DNAH14: variants seen among roughly 807,000 people sequenced by gnomAD.
The protein encoded by DNAH14 is dynein axonemal heavy chain 14.
A neutral mutation model predicts 520.9 loss-of-function variants in DNAH14; 478 were observed. The ratio of observed to expected loss-of-function variants is 0.92; its 90% CI spans 0.85 to 0.99. The LOEUF (loss-of-function observed/expected upper bound fraction) is 0.99, where lower values mean the gene tolerates loss of function less well. Among genes scored for constraint, DNAH14 ranks in the 50% least tolerant of loss-of-function variants. DNAH14 has a pLI of 0.00. For synonymous variants in DNAH14, 1,581 were observed against 1,757.2 expected, an observed-to-expected ratio of 0.90 and a Z score of 2.51; for missense variants, 4,831 against 5,234.5, an observed-to-expected ratio of 0.92 and a Z score of 2.38.
chr1:224,987,871 C>A (rs776021334), intron 8 of DNAH14, among the ~76,000 whole-genome samples: 1 of 152,126 alleles, frequency 6.6e-6, no homozygotes, highest in African/African-American at 2.4e-5. Flanking sequence ...CATGATCCAC[C>A]TCCCTTGGCT....
intron 72 of DNAH14, among the ~76,000 whole-genome samples, chr1:225,353,251 C>CA (rs1267592762): frequency 2.0e-5 from 3 of 151,922 alleles, no homozygotes; most frequent in Admixed American, 1.3e-4. Context: ...TCCCACCTTG[C>CA]AAAAAATTGT....
At position 225,026,912 on chromosome 1, in the gene DNAH14, T is replaced by G. The variant is rs574963509; in HGVS notation, c.1358+3047T>G. Among the ~76,000 whole-genome samples the G allele has an allele frequency of 3.7e-4, 57 of 152,298 alleles. 1 individual carries two copies. Among genetic ancestry groups the G allele is most frequent in the Admixed American group, 2.7e-3 (41 of 15,280 alleles). ...AACATGGTCTGTCTTTCCATTTATG[T>G]AGGCATTCTTTAATTTCTTTCAATA... On this transcript the variant is annotated intron_variant, in intron 11 of 85. Transcript: ENST00000682510.
chr1:225,039,518 G>T (rs2067255371), intron 12 of DNAH14, among the ~76,000 whole-genome samples: 2 of 150,984 alleles, frequency 1.3e-5, no homozygotes, highest in Non-Finnish European at 2.9e-5. Flanking sequence ...AAGAACTTTG[G>T]AAGAGATCAG....
chr1:225,117,440 G>A (rs1010545105), intron 23 of DNAH14, among the ~76,000 whole-genome samples: 5 of 151,434 alleles, frequency 3.3e-5, no homozygotes, highest in Non-Finnish European at 7.4e-5. Context: ...GTGTGTCTAA[G>A]GGTGGGGTTT....
At chr1:225,398,912 TCCACATGCTGTTACATTAA>T in intron 85 of DNAH14, 123 bp from the exon 86 acceptor site, 1 of 841,834 alleles carries the variant, frequency 1.2e-6, no homozygotes, top group Non-Finnish European at 1.8e-6. Context: ...AGGTATAATT[TCCACATGCTGTTACATTAA>T]CCATTTAACC....
Position 225,186,506 on chromosome 1 carries a change from G to A in DNAH14, c.5670+1081G>A, listed in dbSNP as rs528304088. Among the ~76,000 whole-genome samples, 4 of 151,824 alleles carry A rather than the reference G, an allele frequency of 2.6e-5. No individual in the cohort carries two copies. In the East Asian group the frequency reaches 7.7e-4, roughly 29 times the overall value. ...ACAGTAATTTGCTTTATTAAAAACA[G>A]TTTTTTAAGTACAAAAGTAGTACAT... On this transcript the variant is annotated intron_variant, in intron 37 of 85. Coordinates refer to ENST00000682510, the MANE Select transcript of DNAH14 (RefSeq NM_001367479.1).
intron 55 of DNAH14, among the ~76,000 whole-genome samples, chr1:225,299,876 T>C (rs2094105024): frequency 6.6e-6 from 1 of 152,182 alleles, no homozygotes; most frequent in African/African-American, 2.4e-5. Context: ...TCTGTTGGCC[T>C]CTACTGGAGA....
chr1:224,980,338 G>C (rs1359667700), intron 8 of DNAH14, among the ~76,000 whole-genome samples: 1 of 152,166 alleles, frequency 6.6e-6, no homozygotes, highest in African/African-American at 2.4e-5. Flanking sequence ...ATCAGTGGTA[G>C]CCTGGAAGGT....
chr1:225,270,691 C>CT (rs2093289976), intron 49 of DNAH14, 44 bp from the exon 50 acceptor site: 1 of 1,530,390 alleles, frequency 6.5e-7, no homozygotes, highest in African/African-American at 1.4e-5. Context: ...ACTTCACTTC[C>CT]TACAGATACA....
intron 84 of DNAH14, among the ~76,000 whole-genome samples, chr1:225,393,299 T>C (rs902332598): frequency 7.2e-5 from 11 of 152,196 alleles, no homozygotes; most frequent in African/African-American, 2.7e-4. Flanking sequence ...TGGGGATACA[T>C]TCTGAGAAAT....
intron 19 of DNAH14, 40 bp from the exon 20 acceptor site, chr1:225,082,509 T>C (rs1400823238): frequency 2.2e-6 from 3 of 1,370,898 alleles, no homozygotes; most frequent in Non-Finnish European, 2.9e-6. Context: ...AAAAATATAA[T>C]GAACATATTA....
chr1:224,996,993 G>A (rs146833414), intron 8 of DNAH14, among the ~76,000 whole-genome samples: 1 of 152,126 alleles, frequency 6.6e-6, no homozygotes, highest in Non-Finnish European at 1.5e-5. Flanking sequence ...TGGACTGGAG[G>A]CTGAGCCATC....
At chr1:225,335,340 T>C (rs111214220) in intron 66 of DNAH14, among the ~76,000 whole-genome samples, 1,544 of 72,218 alleles carry the variant, frequency 0.021, 115 homozygotes, top group South Asian at 0.031. Context: ...CGTGTGTACA[T>C]GTGTGTGTAT....
chr1:225,179,201 G>C (rs1226371760), intron 36 of DNAH14, among the ~76,000 whole-genome samples: 3 of 152,154 alleles, frequency 2.0e-5, no homozygotes, highest in Admixed American at 2.0e-4. Flanking sequence ...GGAGAATTTA[G>C]TTCATTTACA....
In DNAH14 at chr1:225,360,794, A is replaced by G. The variant is rs2095484222; in HGVS notation, c.11890A>G (p.Ile3964Val). 3 of 1,551,730 alleles carry G rather than the reference A, an allele frequency of 1.9e-6. No individual in the cohort carries two copies. Among genetic ancestry groups the G allele is most frequent in the Non-Finnish European group, 2.6e-6 (3 of 1,146,964 alleles). ...RDQAAKAEDL[I>V]LKALTKTQQW... is the part of the protein sequence containing the mutation. ...CCAAGCAGCTAAAGCTGAAGACCTC[A>G]TTTTAAAGGCACTAACAAAAACACA... Residue 3964 changes from isoleucine (I) to valine (V), a missense_variant, in exon 75 of 86, where the codon ATT becomes GTT. Physicochemically the swap from Ile to Val is conservative, Grantham distance 29. Transcript: ENST00000682510.
At chr1:225,363,063 A>G (rs1047553378) in intron 75 of DNAH14, among the ~76,000 whole-genome samples, 6 of 152,140 alleles carry the variant, frequency 3.9e-5, no homozygotes, top group African/African-American at 9.7e-5. Flanking sequence ...TTTTTTAAAA[A>G]TAATTTCACA....
chr1:225,315,175 A>G (rs939445184), intron 60 of DNAH14, among the ~76,000 whole-genome samples: 1 of 151,052 alleles, frequency 6.6e-6, no homozygotes, highest in Non-Finnish European at 1.5e-5. Flanking sequence ...TTCATGCTTT[A>G]TTTCATTAAG....
intron 52 of DNAH14, among the ~76,000 whole-genome samples, chr1:225,274,415 C>T (rs371558782): frequency 2.6e-5 from 4 of 151,882 alleles, no homozygotes; most frequent in African/African-American, 7.2e-5. Context: ...ACCGTGGTCT[C>T]GATCTCCTGA....
chr1:225,360,973 G>A, intron 75 of DNAH14, 82 bp downstream of exon 75: 1 of 1,272,336 alleles, frequency 7.9e-7, no homozygotes, highest in Non-Finnish European at 1.1e-6. Context: ...AATGTATACT[G>A]TGTGTAAACA....
Sources: gnomAD v4.1 joint callset for allele counts (sites outside exome capture counted in the v4.1 genomes callset) on GRCh38, gnomAD v4.1.1 for gene constraint, MANE v1.5 for transcripts, NCBI Gene and HGNC (gene_info 2026-07-23, HGNC 2026-07-21) for gene names.